The following CALN1 variants were observed in gnomAD, a reference collection of about 807,000 sequenced individuals.
CALN1 encodes calcium-binding protein 8.
CALN1 carries 17 observed loss-of-function variants against 30.6 expected under a neutral mutation model. The ratio of observed to expected loss-of-function variants is 0.56; its 90% CI spans 0.38 to 0.83. The LOEUF is 0.83. CALN1 is among the 40% of genes least tolerant of loss of function. CALN1 has a pLI of 0.00. For synonymous variants in CALN1, 156 were observed against 131.4 expected (o/e 1.19, Z -1.28); for missense variants, 291 against 354.9 (o/e 0.82, Z 1.45).
chr7:72,015,866 C>G (rs977840992), intron 5 of CALN1, among the ~76,000 whole-genome samples: 1 of 152,112 alleles, frequency 6.6e-6, no homozygotes, highest in Non-Finnish European at 1.5e-5. Context: ...GGTAAGATCC[C>G]TGTGGGGAAT....
chr7:71,885,687 C>T (rs989518456), intron 5 of CALN1, among the ~76,000 whole-genome samples: 1 of 152,202 alleles, frequency 6.6e-6, no homozygotes, highest in African/African-American at 2.4e-5. Flanking sequence ...AATGAGCAAA[C>T]AGAATTGCTG....
intron 2 of CALN1, among the ~76,000 whole-genome samples, chr7:72,322,357 G>A (rs970143584): frequency 7.2e-5 from 11 of 152,158 alleles, no homozygotes; most frequent in Non-Finnish European, 1.5e-4. Context: ...TGTAAATACA[G>A]AAGCAGCACC....
chr7:72,149,129 C>T (rs978097706), intron 3 of CALN1, among the ~76,000 whole-genome samples: 51 of 152,096 alleles, frequency 3.4e-4, no homozygotes, highest in Non-Finnish European at 6.8e-4. Flanking sequence ...CAGATGCTGA[C>T]ACTATGCTTC....
At chr7:72,110,302 C>A (rs1023499072) in intron 3 of CALN1, among the ~76,000 whole-genome samples, 1 of 152,200 alleles carries the variant, frequency 6.6e-6, no homozygotes, top group Non-Finnish European at 1.5e-5. Flanking sequence ...GCCTTTGGAC[C>A]TCCGAGTTGC....
intron 3 of CALN1, among the ~76,000 whole-genome samples, chr7:72,273,938 G>A (rs1392606534): frequency 6.6e-6 from 1 of 152,024 alleles, no homozygotes; most frequent in Non-Finnish European, 1.5e-5. Context: ...AAAGTTTCAT[G>A]CAAAAGAAAG....
intron 5 of CALN1, among the ~76,000 whole-genome samples, chr7:71,974,637 G>A (rs1378223270): frequency 6.6e-6 from 1 of 152,058 alleles, no homozygotes; most frequent in African/African-American, 2.4e-5. Context: ...CTGTGATCTG[G>A]ATGAATTGAC....
chr7:72,333,063 T>C (rs539734873), intron 2 of CALN1, among the ~76,000 whole-genome samples: 6 of 152,292 alleles, frequency 3.9e-5, no homozygotes, highest in African/African-American at 1.4e-4. Flanking sequence ...CACCAAGAAC[T>C]CCAAACTACC....
intron 4 of CALN1, among the ~76,000 whole-genome samples, chr7:72,083,823 G>A (rs1477232740): frequency 6.6e-6 from 1 of 151,984 alleles, no homozygotes; most frequent in Non-Finnish European, 1.5e-5. Context: ...GGAGGCTGAG[G>A]CAGGAGAATC....
intron 5 of CALN1, among the ~76,000 whole-genome samples, chr7:71,840,352 G>A (rs1434887060): frequency 1.3e-5 from 2 of 151,946 alleles, no homozygotes; most frequent in African/African-American, 2.4e-5. Context: ...GAGCACAGTG[G>A]TGTGCACCCA....
chr7:72,031,497 G>A (rs1044569108), intron 4 of CALN1, among the ~76,000 whole-genome samples: 4 of 152,220 alleles, frequency 2.6e-5, no homozygotes, highest in East Asian at 1.9e-4. Context: ...AAAAAAAGAG[G>A]TTAAGAATAA....
At chr7:72,400,122 A>C (rs962155160) in intron 2 of CALN1, among the ~76,000 whole-genome samples, 5 of 152,056 alleles carry the variant, frequency 3.3e-5, no homozygotes, top group African/African-American at 1.2e-4. Flanking sequence ...GTATTCCTTT[A>C]TAGCAGCACA....
the CALN1 span, among the ~76,000 whole-genome samples, chr7:72,495,796 A>G: frequency 6.6e-6 from 1 of 152,240 alleles, no homozygotes; most frequent in Non-Finnish European, 1.5e-5. Context: ...AATTTTTAAT[A>G]TTGCTCTGAT....
At chr7:71,989,672 G>C (rs1251114707) in intron 5 of CALN1, among the ~76,000 whole-genome samples, 1 of 152,168 alleles carries the variant, frequency 6.6e-6, no homozygotes, top group African/African-American at 2.4e-5. Flanking sequence ...ACGGATCCGG[G>C]GCGAGGGTTG....
At position 71,786,229 on chromosome 7, in the gene CALN1, G is replaced by A. The variant is rs1390111921; in HGVS notation, c.*1546C>T. 1 of 152,268 alleles carries A rather than the reference G, an allele frequency of 6.6e-6. No individual in the cohort carries two copies. The highest frequency in any genetic ancestry group is 1.9e-4 in the East Asian group (1 of 5,190). The allele number at this position is 152,268 out of a possible 1,614,324, so 9.4% of individuals were successfully genotyped here. On this transcript the variant is annotated 3_prime_UTR_variant, in exon 7 of 7. Coordinates refer to ENST00000395275, the MANE Select transcript of CALN1 (RefSeq NM_031468.4). ...AATCCTACCCACTGCATAGAGACAA[G>A]AAAGCTTCTGGTGGCTCGCTACTGG... is the stretch of plus-strand genomic sequence containing the variant.
At chr7:71,821,597 T>C (rs889780868) in intron 5 of CALN1, among the ~76,000 whole-genome samples, 1 of 152,118 alleles carries the variant, frequency 6.6e-6, no homozygotes, top group Non-Finnish European at 1.5e-5. Context: ...TCCTACAACA[T>C]GTGGGAACTA....
chr7:72,329,384 A>G (rs541543519), intron 2 of CALN1, among the ~76,000 whole-genome samples: 2 of 152,366 alleles, frequency 1.3e-5, no homozygotes, highest in South Asian at 4.1e-4. Flanking sequence ...AGACTAAGTC[A>G]TATCATTCAC....
chr7:71,979,467 C>G (rs190644270), intron 5 of CALN1, among the ~76,000 whole-genome samples: 3 of 152,108 alleles, frequency 2.0e-5, no homozygotes, highest in East Asian at 1.9e-4. Flanking sequence ...CCCTCACATG[C>G]GCAGTTCACA....
intron 5 of CALN1, among the ~76,000 whole-genome samples, chr7:71,851,678 C>A (rs1248296155): frequency 1.3e-5 from 2 of 151,764 alleles, no homozygotes; most frequent in African/African-American, 2.4e-5. Flanking sequence ...AGGAGGGAAA[C>A]AGAGAGAAAA....
the CALN1 span, among the ~76,000 whole-genome samples, chr7:72,464,429 T>C: frequency 6.6e-6 from 1 of 152,194 alleles, no homozygotes; most frequent in Non-Finnish European, 1.5e-5. Flanking sequence ...CTCTGGATAA[T>C]AGAAATTCAT....
Sources: gnomAD v4.1 joint callset for allele counts (sites outside exome capture counted in the v4.1 genomes callset) on GRCh38, gnomAD v4.1.1 for gene constraint, MANE v1.5 for transcripts, NCBI Gene and HGNC (gene_info 2026-07-23, HGNC 2026-07-21) for gene names.